BCORL1: variants seen among roughly 807,000 people sequenced by gnomAD.
BCORL1 encodes the protein BCL-6 corepressor-like protein 1.
A neutral mutation model predicts 87.6 loss-of-function variants in BCORL1; 7 were observed. The observed-to-expected ratio is 0.08, with a 90% confidence interval of 0.05 to 0.15. The LOEUF (loss-of-function observed/expected upper bound fraction) is 0.15, where lower values mean the gene tolerates loss of function less well. Among genes scored for constraint, BCORL1 ranks in the 10% least tolerant of loss-of-function variants. BCORL1 has a pLI of 1.00. For synonymous variants in BCORL1, 591 were observed against 634.4 expected (o/e 0.93, Z 1.03); for missense variants, 1,215 against 1,499.7 (o/e 0.81, Z 3.13).
chrX:129,985,855 C>A (rs915473080), intron 1 of BCORL1, among the ~76,000 whole-genome samples: 8 of 109,489 alleles, frequency 7.3e-5, no homozygotes, highest in Admixed American at 9.7e-5. Context: ...GGTTTCTTTT[C>A]TTTTCTTTTT....
chrX:130,021,176 G>A (rs1456807384), intron 5 of BCORL1, 26 bp downstream of exon 5: 1 of 1,183,679 alleles, frequency 8.4e-7, no homozygotes, highest in African/African-American at 1.8e-5. Flanking sequence ...CTGGCCCTCT[G>A]GGCTGGGCTG....
intron 8 of BCORL1, 121 bp downstream of exon 8, chrX:130,028,982 T>C: frequency 1.7e-6 from 1 of 571,780 alleles, no homozygotes; most frequent in Non-Finnish European, 2.8e-6. Context: ...ATTCTCAAAC[T>C]AGTTCTCGAA....
intron 4 of BCORL1, among the ~76,000 whole-genome samples, chrX:130,017,705 G>A (rs992145311): frequency 3.7e-5 from 4 of 107,264 alleles, no homozygotes; most frequent in African/African-American, 6.9e-5. Context: ...GCAGTGGCTC[G>A]ATCACAGCTC....
Position 130,015,807 on chromosome X carries a change from T to C in BCORL1, c.3035T>C (p.Leu1012Pro). Residue 1012 changes from leucine to proline, a missense_variant, in exon 4 of 14, where the codon CTA becomes CCA. Physicochemically the swap from Leu to Pro is moderately conservative, Grantham distance 98 (BLOSUM62 -3). Coordinates refer to ENST00000540052, the MANE Select transcript of BCORL1 (RefSeq NM_001379451.1). ...CCTAAGATGCCTGAGCTGCCTTTGC[T>C]ACCTCACGACAGCCACCCCAAGGAA... The part of the protein sequence containing the change: ...NLPKMPELPL[L>P]PHDSHPKELI... 8.3e-7 allele frequency: 1 copy of C among 1,211,825 alleles called. No individual in the cohort carries two copies. The highest frequency in any genetic ancestry group is 1.1e-6 in the Non-Finnish European group (1 of 895,535).
intron 1 of BCORL1, among the ~76,000 whole-genome samples, chrX:129,985,957 C>T (rs1391136724): frequency 1.8e-5 from 2 of 110,825 alleles, no homozygotes; most frequent in Non-Finnish European, 3.8e-5. Context: ...TCCGGTGATT[C>T]TCCTGCCTTA....
chrX:130,025,612 G>A (rs1013906971), intron 7 of BCORL1, among the ~76,000 whole-genome samples: 3 of 111,103 alleles, frequency 2.7e-5, no homozygotes, highest in African/African-American at 9.8e-5. Flanking sequence ...CAAGCCCTCC[G>A]GTTTCTTATA....
At chrX:129,998,113 G>A (rs1927711020) in intron 1 of BCORL1, among the ~76,000 whole-genome samples, 1 of 110,094 alleles carries the variant, frequency 9.1e-6, no homozygotes, top group Admixed American at 9.8e-5. Flanking sequence ...TTCCCCCAAA[G>A]TAGGGATAGC....
At chrX:129,990,959 C>T (rs746512409) in intron 1 of BCORL1, among the ~76,000 whole-genome samples, 1 of 110,763 alleles carries the variant, frequency 9.0e-6, no homozygotes, top group African/African-American at 3.3e-5. Flanking sequence ...TATTTGAAAC[C>T]GAGCCTCACT....
chrX:130,009,358 G>A (rs1013759660), intron 2 of BCORL1, among the ~76,000 whole-genome samples: 7 of 110,227 alleles, frequency 6.4e-5, no homozygotes, highest in African/African-American at 2.3e-4. Context: ...CCAGCTACTC[G>A]GGAGGCTCAG....
intron 1 of BCORL1, among the ~76,000 whole-genome samples, chrX:129,984,381 G>C (rs1372686118): frequency 9.2e-6 from 1 of 108,892 alleles, no homozygotes; most frequent in African/African-American, 3.3e-5. Context: ...GGTACGAGCC[G>C]GGACGACGAC....
chrX:130,050,540 T>G (rs924086711), intron 11 of BCORL1, among the ~76,000 whole-genome samples, 177 bp from the exon 12 acceptor site: 1 of 111,338 alleles, frequency 9.0e-6, no homozygotes, highest in Non-Finnish European at 1.9e-5. Flanking sequence ...TCCTGTCCCC[T>G]TGTTGGCAGT....
chrX:129,994,488 G>T (rs766049466), intron 1 of BCORL1, among the ~76,000 whole-genome samples: 2 of 111,634 alleles, frequency 1.8e-5, no homozygotes, highest in Non-Finnish European at 3.8e-5. Context: ...AGCCCTGGCC[G>T]CTCGGCTGAG....
intron 11 of BCORL1, among the ~76,000 whole-genome samples, chrX:130,043,838 C>T (rs1453096546): frequency 4.0e-5 from 3 of 74,262 alleles, no homozygotes; most frequent in Admixed American, 1.8e-4. Flanking sequence ...GGCAGGATCT[C>T]GGCTCACTGC....
chrX:129,994,284 C>T (rs1291295872), intron 1 of BCORL1, among the ~76,000 whole-genome samples: 5 of 112,215 alleles, frequency 4.5e-5, no homozygotes, highest in African/African-American at 1.6e-4. Context: ...TATCACTTTT[C>T]AAGGCATTAC....
rs1931136537 is a variant in BCORL1 at position 130,039,004 on chromosome X, A to G, written c.4695-133A>G. Reference sequence around the variant, plus strand: ...AGGCTACAGGTGGTTCCCTTGTCCTAAGTCTTAAACCATATTACACCAAGG... The same window carrying G: ...AGGCTACAGGTGGTTCCCTTGTCCTGAGTCTTAAACCATATTACACCAAGG... On this transcript the variant is annotated intron_variant, in intron 10 of 13. Transcript: ENST00000540052. The G allele has an allele frequency of 1.2e-5, 8 of 665,104 alleles. No individual in the cohort carries two copies. In the South Asian group the frequency reaches 2.3e-4, roughly 19 times the overall value. 54.8% of individuals were successfully genotyped at this position (665,104 alleles called of 1,213,427 possible).
intron 9 of BCORL1, 112 bp downstream of exon 9, chrX:130,034,788 C>T (rs1603150130): frequency 4.1e-6 from 2 of 484,813 alleles, no homozygotes; most frequent in African/African-American, 2.5e-5. Flanking sequence ...CCCTCTACAC[C>T]CCAGATTGCC....
At chrX:130,046,008 A>T (rs946068701) in intron 11 of BCORL1, among the ~76,000 whole-genome samples, 2 of 111,632 alleles carry the variant, frequency 1.8e-5, no homozygotes, top group African/African-American at 3.3e-5. Flanking sequence ...TAGGCTGGTC[A>T]CATTGGCTCA....
chrX:130,011,078 A>AGT (rs941313655), intron 2 of BCORL1, among the ~76,000 whole-genome samples: 3 of 103,781 alleles, frequency 2.9e-5, no homozygotes, highest in African/African-American at 1.0e-4. Context: ...CCTCAGGCAC[A>AGT]GTGTATTTCC....
intron 2 of BCORL1, among the ~76,000 whole-genome samples, chrX:130,011,277 G>A (rs994634261): frequency 5.5e-4 from 60 of 109,880 alleles, no homozygotes; most frequent in Non-Finnish European, 1.0e-3. Flanking sequence ...TCACTCTGTC[G>A]CCCAGGTTGA....
Sources: allele counts gnomAD v4.1 joint callset (sites outside exome capture counted in the v4.1 genomes callset), GRCh38; gene constraint gnomAD v4.1.1; transcripts MANE v1.5; gene names NCBI Gene and HGNC (gene_info 2026-07-23, HGNC 2026-07-21).